The following SYN2 variants were observed in gnomAD, a reference collection of about 807,000 sequenced individuals.
SYN2 encodes synapsin II.
In SYN2, 19 loss-of-function variants were observed where a neutral mutation model predicts 50.9. That is an observed-to-expected ratio of 0.37 (90% CI 0.26 to 0.55). SYN2 has a LOEUF of 0.55. SYN2 is among the 20% of genes least tolerant of loss of function. The probability of loss-of-function intolerance (pLI) is 0.81; values close to 1 mark genes in which losing one functional copy is unlikely to be tolerated. For missense variants in SYN2, 587 were observed against 576.4 expected, an observed-to-expected ratio of 1.02 and a Z score of -0.19; for synonymous variants, 255 against 224.9, an observed-to-expected ratio of 1.13 and a Z score of -1.20.
intron 1 of SYN2, among the ~76,000 whole-genome samples, chr3:12,029,758 C>A (rs1369129788): frequency 4.4e-5 from 2 of 45,930 alleles, no homozygotes; most frequent in African/African-American, 1.4e-4. Context: ...AGTTGCTTAT[C>A]AGCTTAAGGA....
At chr3:12,185,010 G>A (rs1698309075) in intron 11 of SYN2, 1 of 985,726 alleles carries the variant, frequency 1.0e-6, no homozygotes, top group South Asian at 4.7e-5. Context: ...TACGTATCCA[G>A]GGGCTTGTGC....
intron 1 of SYN2, among the ~76,000 whole-genome samples, chr3:12,043,201 T>A (rs1226081592): frequency 6.6e-6 from 1 of 151,964 alleles, no homozygotes; most frequent in Non-Finnish European, 1.5e-5. Flanking sequence ...TTTTAAAAAA[T>A]TTCATAGAGA....
intron 1 of SYN2, among the ~76,000 whole-genome samples, chr3:12,066,783 C>T (rs1348831192): frequency 6.6e-6 from 1 of 152,032 alleles, no homozygotes; most frequent in Non-Finnish European, 1.5e-5. Context: ...AAAGAACTAC[C>T]CAAGACTGGG....
chr3:12,179,374 G>GAAAAAAAA (rs536283283), intron 10 of SYN2, among the ~76,000 whole-genome samples: 24 of 92,562 alleles, frequency 2.6e-4, no homozygotes, highest in African/African-American at 3.2e-4. Flanking sequence ...AGAACTGAAA[G>GAAAAAAAA]AAAAAAAAAA....
At chr3:12,088,366 TCTCA>T (rs1695755882) in intron 1 of SYN2, among the ~76,000 whole-genome samples, 1 of 128,870 alleles carries the variant, frequency 7.8e-6, no homozygotes, top group African/African-American at 3.7e-5. Flanking sequence ...TGAGATAACA[TCTCA>T]TACCTTTTAG....
At chr3:12,096,910 A>G (rs1322277109) in intron 1 of SYN2, among the ~76,000 whole-genome samples, 2 of 152,204 alleles carry the variant, frequency 1.3e-5, no homozygotes, top group Non-Finnish European at 2.9e-5. Flanking sequence ...AGCACCATCA[A>G]GTATACCAAC....
chr3:12,154,421 A>C lies in SYN2; in HGVS notation c.774+3095A>C, dbSNP rs1045118461. The C allele has an allele frequency of 3.1e-6, 5 of 1,614,004 alleles. No individual in the cohort carries two copies. Among genetic ancestry groups the C allele is most frequent in the Non-Finnish European group, 4.2e-6 (5 of 1,180,038 alleles). The stretch of plus-strand genomic sequence containing the variant: ...GGGCTCGATGTAGTTGCACAGATGG[A>C]TGAAGACTTTTCCATCACTGAGGAC... On this transcript the variant is annotated intron_variant, in intron 5 of 12. Transcript: ENST00000621198.
chr3:12,184,837 A>G (rs977006269), intron 11 of SYN2: 20 of 985,790 alleles, frequency 2.0e-5, no homozygotes, highest in Non-Finnish European at 2.3e-5. Context: ...AGCCGCCTCT[A>G]ACAAACACCA....
In SYN2 at chr3:12,191,295, T is replaced by C; in HGVS notation, c.*670T>C. Reference sequence around the variant, plus strand: ...CTGCAGTAACCTTGAACTCCAGAGCTGCACTATAGAGGAGAATGCATGCCA... The same window carrying C: ...CTGCAGTAACCTTGAACTCCAGAGCCGCACTATAGAGGAGAATGCATGCCA... On this transcript the variant is annotated 3_prime_UTR_variant, in exon 13 of 13. Transcript: ENST00000621198. 1.8e-6 allele frequency: 1 copy of C among 545,662 alleles called. No homozygotes were observed. The highest frequency in any genetic ancestry group is 8.0e-5 in the South Asian group (1 of 12,564). 33.8% of individuals were successfully genotyped at this position (545,662 alleles called of 1,614,324 possible). A position where few individuals can be genotyped will look rare whatever the true frequency, so the allele number is the denominator to read the frequency against.
At chr3:12,036,332 G>A (rs1694497608) in intron 1 of SYN2, among the ~76,000 whole-genome samples, 1 of 152,146 alleles carries the variant, frequency 6.6e-6, no homozygotes. Flanking sequence ...TGGCCCCCAG[G>A]ACATCTGCAA....
At chr3:12,148,279 T>G (rs1235487098) in intron 4 of SYN2, among the ~76,000 whole-genome samples, 3 of 152,198 alleles carry the variant, frequency 2.0e-5, no homozygotes, top group East Asian at 3.8e-4. Context: ...CACATTGCCT[T>G]GGGCCCTGCA....
intron 1 of SYN2, among the ~76,000 whole-genome samples, chr3:12,054,141 T>G (rs1694937283): frequency 6.6e-6 from 1 of 152,206 alleles, no homozygotes; most frequent in Non-Finnish European, 1.5e-5. Context: ...TACACCAGTC[T>G]GCCCACTCAG....
intron 1 of SYN2, among the ~76,000 whole-genome samples, chr3:12,013,752 C>G (rs1693963972): frequency 6.6e-6 from 1 of 152,150 alleles, no homozygotes; most frequent in South Asian, 2.1e-4. Context: ...TACTCCTTTG[C>G]TTAAAGTTTT....
chr3:12,151,187 G>A (rs1392872391), intron 4 of SYN2, 50 bp from the exon 5 acceptor site: 3 of 1,339,846 alleles, frequency 2.2e-6, no homozygotes, highest in Admixed American at 1.9e-5. Context: ...TGTTTCATCT[G>A]TTTCAGAAGT....
At chr3:12,112,821 AAAAT>A (rs1696352340) in intron 1 of SYN2, among the ~76,000 whole-genome samples, 1 of 152,208 alleles carries the variant, frequency 6.6e-6, no homozygotes, top group African/African-American at 2.4e-5. Flanking sequence ...ACTTTTAAAA[AAAAT>A]AAATACCCCA....
At chr3:12,050,486 T>C (rs1197600049) in intron 1 of SYN2, among the ~76,000 whole-genome samples, 1 of 151,176 alleles carries the variant, frequency 6.6e-6, no homozygotes, top group Non-Finnish European at 1.5e-5. Flanking sequence ...GCTGGGACTA[T>C]AGGTGTGTGC....
chr3:12,154,613 T>C (rs564377052), intron 5 of SYN2, among the ~76,000 whole-genome samples: 10 of 152,274 alleles, frequency 6.6e-5, no homozygotes, highest in Non-Finnish European at 1.2e-4. Context: ...ACTACTATAA[T>C]CTTTCTAGCA....
intron 1 of SYN2, among the ~76,000 whole-genome samples, chr3:12,036,319 C>T (rs943722013): frequency 3.3e-5 from 5 of 152,142 alleles, no homozygotes; most frequent in Non-Finnish European, 5.9e-5. Context: ...CAAGTCTCTG[C>T]GTTGGCCCCC....
chr3:12,086,944 A>AT (rs1276169293), intron 1 of SYN2, among the ~76,000 whole-genome samples: 1 of 152,132 alleles, frequency 6.6e-6, no homozygotes, highest in Non-Finnish European at 1.5e-5. Context: ...GATATTATAT[A>AT]TTTTTTAAAA....
Sources: allele counts gnomAD v4.1 joint callset (sites outside exome capture counted in the v4.1 genomes callset), GRCh38; gene constraint gnomAD v4.1.1; transcripts MANE v1.5; gene names NCBI Gene and HGNC (gene_info 2026-07-23, HGNC 2026-07-21).